MAPK8IP3: variants seen among roughly 807,000 people sequenced by gnomAD.
MAPK8IP3 encodes the protein C-Jun-amino-terminal kinase-interacting protein 3.
A neutral mutation model predicts 157.8 loss-of-function variants in MAPK8IP3; 49 were observed. That is an observed-to-expected ratio of 0.31 (90% CI 0.25 to 0.39). The LOEUF (loss-of-function observed/expected upper bound fraction) is 0.39, where lower values mean the gene tolerates loss of function less well. MAPK8IP3 is among the 10% of genes least tolerant of loss of function. The pLI is 1.00. For missense variants in MAPK8IP3, 1,478 were observed against 1,889.4 expected (o/e 0.78, Z 4.04); for synonymous variants, 897 against 777.7 (o/e 1.15, Z -2.55).
rs1340764564 is a variant in MAPK8IP3 at position 1,770,173 on chromosome 16, C to T, written c.*1349C>T. 1.3e-5 allele frequency: 2 copies of T among 154,422 alleles called. No individual in the cohort carries two copies. The highest frequency in any genetic ancestry group is 2.9e-5 in the Non-Finnish European group (2 of 69,406). 9.6% of individuals were successfully genotyped at this position (154,422 alleles called of 1,614,324 possible). A position where few individuals can be genotyped will look rare whatever the true frequency, so the allele number is the denominator to read the frequency against. ...CCTCCACTGTGATGTATGTCCGCTC[C>T]CTCGTCTGTTCCCCCAGGATCTCGA... On this transcript the variant is annotated 3_prime_UTR_variant, in exon 32 of 32. Transcript: ENST00000610761.
Position 1,738,429 on chromosome 16 carries a change from TGAGA to T in MAPK8IP3, c.603-4899_603-4896del, listed in dbSNP as rs139239821. 7.7e-3 allele frequency among the ~76,000 whole-genome samples: 658 copies of T among 85,094 alleles called. 30 individuals are homozygous for T. The highest frequency in any genetic ancestry group is 0.017 in the African/African-American group (302 of 18,258). 55.8% of individuals were successfully genotyped at this position (85,094 alleles called of 152,430 possible). A position where few individuals can be genotyped will look rare whatever the true frequency, so the allele number is the denominator to read the frequency against. ...GCGTCCGTGTGAGCGTGTGACCGTG[TGAGA>T]GAGTGACCATCCATGTGAGCATGTG... On this transcript the variant is annotated intron_variant, in intron 4 of 31. Transcript: ENST00000610761.
intron 5 of MAPK8IP3, chr16:1,745,301 A>C (rs561774088): frequency 2.1e-6 from 1 of 474,396 alleles, no homozygotes; most frequent in African/African-American, 2.1e-5. Flanking sequence ...GCCTGGCCAC[A>C]TGGGGTTCCC....
intron 4 of MAPK8IP3, among the ~76,000 whole-genome samples, chr16:1,738,302 G>A (rs1463040849): frequency 1.0e-5 from 1 of 96,288 alleles, no homozygotes; most frequent in Non-Finnish European, 2.0e-5. Flanking sequence ...GTGAGCATCT[G>A]TGTGACCGTC....
chr16:1,746,861 G>A (rs2040993608), intron 5 of MAPK8IP3, 168 bp from the exon 6 acceptor site: 1 of 770,164 alleles, frequency 1.3e-6, no homozygotes, highest in African/African-American at 1.8e-5. Flanking sequence ...GGAGTGGTGA[G>A]GCCCGGAAGG....
At chr16:1,714,336 A>AG (rs554120651) in intron 1 of MAPK8IP3, 8 of 146,042 alleles carry the variant, frequency 5.5e-5, no homozygotes, top group African/African-American at 2.0e-4. Flanking sequence ...TCCGCTTATG[A>AG]GGGGGGTGCG....
intron 8 of MAPK8IP3, among the ~76,000 whole-genome samples, chr16:1,756,277 C>T (rs1390655660): frequency 6.6e-6 from 1 of 152,234 alleles, no homozygotes; most frequent in African/African-American, 2.4e-5. Context: ...CTCATGCCTG[C>T]CAAGGCAGGT....
chr16:1,736,648 G>C (rs531289355), intron 4 of MAPK8IP3, among the ~76,000 whole-genome samples: 1 of 69,908 alleles, frequency 1.4e-5, no homozygotes, highest in Admixed American at 2.1e-4. Context: ...GCGTGTGACC[G>C]TCCGTGTGAG....
chr16:1,767,202 C>T lies in MAPK8IP3; in HGVS notation c.3142C>T (p.His1048Tyr), dbSNP rs1168369098. 2 of 1,613,390 alleles carry T rather than the reference C, an allele frequency of 1.2e-6. No individual in the cohort carries two copies. The highest frequency in any genetic ancestry group is 1.7e-6 in the Non-Finnish European group (2 of 1,180,018). The change falls in exon 26 of 32, where the codon CAC (histidine) becomes TAC (tyrosine). Residue 1048 changes from histidine (H) to tyrosine (Y), a missense_variant. By Grantham distance (83) the His-to-Tyr change is moderately conservative. Around this residue, in one of 11 missense-constraint regions of MAPK8IP3, gnomAD observed 669 missense variants for 759.8 expected, o/e 0.88. Transcript: ENST00000610761. ...YHLMDLGHPH[H>Y]SIRCMAVVYD... ...CCTAATGGACCTGGGCCACCCGCAC[C>T]ACTCCATCCGCTGCATGGCTGTTGT... is the stretch of plus-strand genomic sequence containing the variant.
intron 8 of MAPK8IP3, among the ~76,000 whole-genome samples, chr16:1,755,182 C>T (rs2041524355): frequency 6.6e-6 from 1 of 152,312 alleles, no homozygotes; most frequent in East Asian, 1.9e-4. Flanking sequence ...CAAGACAGAC[C>T]TGGAGCCATG....
chr16:1,763,054 G>C (rs2042046331), intron 16 of MAPK8IP3, 48 bp downstream of exon 16: 1 of 1,603,912 alleles, frequency 6.2e-7, no homozygotes, highest in Admixed American at 1.7e-5. Flanking sequence ...GGGTTGGGGA[G>C]GCCCTGTCCT....
rs901599141 is a variant in MAPK8IP3 at position 1,741,960 on chromosome 16, G to T, written c.603-1372G>T. On this transcript the variant is annotated intron_variant, in intron 4 of 31. Transcript: ENST00000610761. This position sits in a 1 kb window ranked among gnomAD's most constrained non-coding sequence, Gnocchi z 6.9. The stretch of plus-strand genomic sequence containing the variant: ...CAGGTAGCGGAGCTCCTGGTCAGCG[G>T]CGGCTGCTGCGTTCCCCTGTCGCCG... Among the ~76,000 whole-genome samples, 1 of 152,182 alleles carries T rather than the reference G, an allele frequency of 6.6e-6. No homozygotes were observed. Among genetic ancestry groups the T allele is most frequent in the Non-Finnish European group, 1.5e-5 (1 of 68,018 alleles).
intron 1 of MAPK8IP3, among the ~76,000 whole-genome samples, chr16:1,711,900 G>A (rs895384838): frequency 2.1e-5 from 3 of 145,228 alleles, no homozygotes; most frequent in South Asian, 2.2e-4. Context: ...AGATTGCAAC[G>A]CTACTGCACT....
intron 8 of MAPK8IP3, among the ~76,000 whole-genome samples, chr16:1,749,880 C>T (rs1379509573): frequency 6.6e-6 from 1 of 152,198 alleles, no homozygotes; most frequent in Non-Finnish European, 1.5e-5. Flanking sequence ...AGGCCTGTCT[C>T]ATCCTGGCTT....
At position 1,768,281 on chromosome 16, in the gene MAPK8IP3, G is replaced by A. The variant is rs771795279; in HGVS notation, c.3645G>A (p.Arg1215=). 9 of 1,611,550 alleles carry A rather than the reference G, an allele frequency of 5.6e-6. No individual in the cohort carries two copies. The East Asian group carries it at 1.3e-4, about 24-fold the overall frequency. The change falls in exon 30 of 32, where the codon AGG becomes AGA. Residue 1215 remains arginine, a synonymous_variant. Transcript: ENST00000610761. ...TGTATGGCGATGACAGCAGTGACAG[G>A]GCGGCCAGCAGCTTCATCCCCTACT... ...IHVYGDDSSD[R]AASSFIPYCS...
intron 8 of MAPK8IP3, 198 bp downstream of exon 8, chr16:1,748,918 G>C (rs1476388502): frequency 1.4e-6 from 1 of 720,764 alleles, no homozygotes; most frequent in Non-Finnish European, 2.6e-6. Flanking sequence ...ACTGCCCCAA[G>C]GATGCCAAAA....
chr16:1,765,683 C>G (rs1347564955), intron 20 of MAPK8IP3, among the ~76,000 whole-genome samples: 2 of 152,198 alleles, frequency 1.3e-5, no homozygotes, highest in Non-Finnish European at 2.9e-5. Context: ...TCCTGAGGGT[C>G]TGCCACAGGA....
In MAPK8IP3 at chr16:1,743,376, A is replaced by T. The variant is rs1010525358; in HGVS notation, c.647A>T (p.Asp216Val). ...TCCCTGAACGTGTTCCCCCTGGCTG[A>T]CGGCACGGTACGTGCACAGATCGGG... ...PTSLNVFPLA[D>V]GTVRAQIGGK... The change falls in exon 5 of 32, where the codon GAC becomes GTC. Residue 216 changes from aspartate to valine, a missense_variant. Transcript: ENST00000610761. This position sits in a 1 kb window ranked among gnomAD's most constrained non-coding sequence, Gnocchi z 5.6. The T allele has an allele frequency of 2.5e-6, 4 of 1,575,512 alleles. No individual in the cohort carries two copies. Among genetic ancestry groups the T allele is most frequent in the Non-Finnish European group, 3.4e-6 (4 of 1,164,756 alleles).
chr16:1,757,597 C>T (rs1363254932), intron 8 of MAPK8IP3, among the ~76,000 whole-genome samples: 1 of 152,210 alleles, frequency 6.6e-6, no homozygotes, highest in Non-Finnish European at 1.5e-5. Context: ...CCTCTGCTTT[C>T]TGGCATGTTC....
chr16:1,737,072 GCGTGTGAC>G (rs1596640759), intron 4 of MAPK8IP3, among the ~76,000 whole-genome samples: 1 of 90,744 alleles, frequency 1.1e-5, no homozygotes, highest in African/African-American at 4.3e-5. Flanking sequence ...GTCCGTGTGA[GCGTGTGAC>G]CGTCCGTGTG....
Sources: allele counts gnomAD v4.1 joint callset (sites outside exome capture counted in the v4.1 genomes callset), GRCh38; gene constraint gnomAD v4.1.1; regional missense constraint gnomAD v4.1.1; non-coding constraint Gnocchi (gnomAD v3.1); transcripts MANE v1.5; gene names NCBI Gene and HGNC (gene_info 2026-07-23, HGNC 2026-07-21).